PRELID2: variants seen among roughly 807,000 people sequenced by gnomAD.
The protein encoded by PRELID2 is PRELI domain containing 2, also known as PRELI domain-containing protein 2.
A neutral mutation model predicts 28.4 loss-of-function variants in PRELID2; 25 were observed. The observed-to-expected ratio is 0.88, with a 90% confidence interval of 0.64 to 1.23. PRELID2 has a LOEUF of 1.23. Among genes scored for constraint, PRELID2 ranks in the 50% most tolerant of loss-of-function variants. The pLI is 0.00. For synonymous variants in PRELID2, 76 were observed against 71.6 expected (o/e 1.06, Z -0.31); for missense variants, 201 against 214.4 (o/e 0.94, Z 0.39).
the PRELID2 span, among the ~76,000 whole-genome samples, chr5:145,326,503 T>A: frequency 6.6e-6 from 1 of 152,212 alleles, no homozygotes; most frequent in Non-Finnish European, 1.5e-5. Flanking sequence ...AGAATTACTA[T>A]AAAGCCATTG....
At chr5:145,504,465 A>G (rs1277876457) in intron 1 of PRELID2, among the ~76,000 whole-genome samples, 1 of 152,182 alleles carries the variant, frequency 6.6e-6, no homozygotes, top group Non-Finnish European at 1.5e-5. Flanking sequence ...AACATTTTCT[A>G]GAAACATTTT....
At chr5:145,770,942 A>C (rs1431319266) in intron 5 of PRELID2, among the ~76,000 whole-genome samples, 1 of 152,178 alleles carries the variant, frequency 6.6e-6, no homozygotes, top group Non-Finnish European at 1.5e-5. Context: ...AATAAACAAA[A>C]GTATTTGTTT....
chr5:145,600,434 A>AAATATATAT (rs1315631607), intron 1 of PRELID2, among the ~76,000 whole-genome samples: 89 of 120,092 alleles, frequency 7.4e-4, no homozygotes, highest in African/African-American at 1.7e-3. Context: ...AAAAAAAAAA[A>AAATATATAT]ATATATATAT....
chr5:145,796,329 A>G (rs1178772680), intron 5 of PRELID2, 113 bp downstream of exon 5: 46 of 549,154 alleles, frequency 8.4e-5, no homozygotes, highest in Non-Finnish European at 1.3e-5. Context: ...ATATTTGTTT[A>G]TTAACTATAT....
chr5:145,347,870 A>T, the PRELID2 span, among the ~76,000 whole-genome samples: 1 of 152,162 alleles, frequency 6.6e-6, no homozygotes, highest in Admixed American at 6.6e-5. Context: ...TCTAAAAATG[A>T]AAGTCTATTT....
intron 4 of PRELID2, among the ~76,000 whole-genome samples, chr5:145,802,450 A>G (rs191970844): frequency 5.1e-4 from 78 of 152,338 alleles, no homozygotes; most frequent in African/African-American, 1.4e-3. Flanking sequence ...TAGGAAATCA[A>G]TAATGCACTT....
At chr5:145,446,779 G>T in the PRELID2 span, among the ~76,000 whole-genome samples, 1 of 152,138 alleles carries the variant, frequency 6.6e-6, no homozygotes, top group Non-Finnish European at 1.5e-5. Context: ...AGGAGCAGTG[G>T]CTCACGCCTG....
chr5:145,295,076 GGCTGATT>G, the PRELID2 span, among the ~76,000 whole-genome samples: 2 of 152,010 alleles, frequency 1.3e-5, no homozygotes, highest in African/African-American at 4.8e-5. Flanking sequence ...GCCTGTCCTG[GGCTGATT>G]GCTTTTGATT....
the PRELID2 span, among the ~76,000 whole-genome samples, chr5:145,283,475 G>C: frequency 6.6e-6 from 1 of 152,168 alleles, no homozygotes; most frequent in Non-Finnish European, 1.5e-5. Flanking sequence ...TAGAAGGCTG[G>C]AAATAAATTC....
intron 1 of PRELID2, among the ~76,000 whole-genome samples, chr5:145,714,090 A>G (rs577572021): frequency 5.9e-5 from 9 of 152,190 alleles, no homozygotes; most frequent in African/African-American, 2.2e-4. Context: ...ACCTGTAAAC[A>G]ATAAACCTTT....
At chr5:145,402,682 C>T in the PRELID2 span, among the ~76,000 whole-genome samples, 1 of 152,188 alleles carries the variant, frequency 6.6e-6, no homozygotes, top group Admixed American at 6.5e-5. Context: ...CCTGATGAGC[C>T]TACAGATAGG....
At chr5:145,721,358 G>A (rs1755985768) in intron 1 of PRELID2, among the ~76,000 whole-genome samples, 1 of 152,146 alleles carries the variant, frequency 6.6e-6, no homozygotes, top group Non-Finnish European at 1.5e-5. Context: ...ATCAAGGGGA[G>A]GAGTCAAGGG....
At chr5:145,406,032 T>G in the PRELID2 span, among the ~76,000 whole-genome samples, 1 of 151,956 alleles carries the variant, frequency 6.6e-6, no homozygotes, top group African/African-American at 2.4e-5. Flanking sequence ...AACAACCAGA[T>G]CTTACAAGAA....
At chr5:145,523,369 A>G (rs1752579428) in intron 1 of PRELID2, among the ~76,000 whole-genome samples, 1 of 152,232 alleles carries the variant, frequency 6.6e-6, no homozygotes, top group Admixed American at 6.5e-5. Flanking sequence ...CAAAGTTCAT[A>G]TATTCAATTT....
At chr5:145,452,045 TATA>T in the PRELID2 span, among the ~76,000 whole-genome samples, 3 of 152,190 alleles carry the variant, frequency 2.0e-5, no homozygotes, top group Non-Finnish European at 4.4e-5. Flanking sequence ...TCCAATGAAA[TATA>T]ATATCTTGCT....
At chr5:145,392,777 A>C in the PRELID2 span, among the ~76,000 whole-genome samples, 1 of 152,168 alleles carries the variant, frequency 6.6e-6, no homozygotes, top group Non-Finnish European at 1.5e-5. Flanking sequence ...AGCCAATCAA[A>C]TAACAGTATC....
At chr5:145,499,240 T>C (rs1223756022) in intron 1 of PRELID2, among the ~76,000 whole-genome samples, 1 of 152,082 alleles carries the variant, frequency 6.6e-6, no homozygotes, top group East Asian at 1.9e-4. Flanking sequence ...AGAGTGAGAC[T>C]CCATCTCGTA....
intron 1 of PRELID2, among the ~76,000 whole-genome samples, chr5:145,520,270 C>T (rs1460653781): frequency 6.6e-6 from 1 of 152,196 alleles, no homozygotes; most frequent in Admixed American, 6.5e-5. Context: ...CAATAGCAGC[C>T]ATTCCTGTGT....
intron 1 of PRELID2, among the ~76,000 whole-genome samples, chr5:145,638,932 G>A (rs1754048704): frequency 6.6e-6 from 1 of 152,168 alleles, no homozygotes; most frequent in Admixed American, 6.5e-5. Flanking sequence ...GCCAGCTTTG[G>A]TTGCCCACAT....
Sources: gnomAD v4.1 joint callset for allele counts (sites outside exome capture counted in the v4.1 genomes callset) on GRCh38, gnomAD v4.1.1 for gene constraint, MANE v1.5 for transcripts, NCBI Gene and HGNC (gene_info 2026-07-23, HGNC 2026-07-21) for gene names.